FGF2: variants seen among roughly 807,000 people sequenced by gnomAD.
FGF2 encodes the protein basic fibroblast growth factor bFGF.
Under a neutral mutation model 15.9 loss-of-function variants are expected in FGF2, and 13 were observed. The ratio of observed to expected loss-of-function variants is 0.82; its 90% CI spans 0.53 to 1.30. The LOEUF is 1.30. FGF2 is among the 50% of genes most tolerant of loss of function. FGF2 has a pLI of 0.00. For synonymous variants in FGF2, 90 were observed against 78.4 expected (o/e 1.15, Z -0.78); for missense variants, 163 against 196.9 (o/e 0.83, Z 1.03).
At chr4:122,831,537 G>A (rs308409) in intron 1 of FGF2, among the ~76,000 whole-genome samples, 2 of 152,074 alleles carry the variant, frequency 1.3e-5, no homozygotes, top group East Asian at 1.9e-4. Context: ...CTTAATGAAC[G>A]TGATATTTAC....
At chr4:122,887,632 C>T (rs1727085803) in intron 2 of FGF2, among the ~76,000 whole-genome samples, 1 of 152,172 alleles carries the variant, frequency 6.6e-6, no homozygotes, top group Non-Finnish European at 1.5e-5. Context: ...TATTCAAATA[C>T]TCCCTACAAG....
chr4:122,869,053 A>T (rs1726669627), intron 1 of FGF2, among the ~76,000 whole-genome samples: 1 of 152,158 alleles, frequency 6.6e-6, no homozygotes, highest in Non-Finnish European at 1.5e-5. Flanking sequence ...ATTTTCTCCT[A>T]TTCTGTAGAT....
chr4:122,844,297 A>G (rs534148461), intron 1 of FGF2, among the ~76,000 whole-genome samples: 32 of 152,352 alleles, frequency 2.1e-4, no homozygotes, highest in South Asian at 1.7e-3. Context: ...GTAGCAAGTC[A>G]GTCACATCTT....
intron 1 of FGF2, among the ~76,000 whole-genome samples, chr4:122,830,862 T>G (rs308412): frequency 0.28 from 40,990 of 146,798 alleles, 8,598 homozygotes; most frequent in African/African-American, 0.59. Context: ...AGAAGTACTG[T>G]ATCTACCCTT....
chr4:122,860,749 C>G (rs762098861), intron 1 of FGF2, among the ~76,000 whole-genome samples: 2 of 152,158 alleles, frequency 1.3e-5, no homozygotes, highest in Non-Finnish European at 2.9e-5. Context: ...AGCCACTGCA[C>G]CCAGCCTTAC....
upstream of FGF2, chr4:122,826,762 G>T (rs780399886): frequency 2.3e-6 from 3 of 1,321,996 alleles, no homozygotes; most frequent in East Asian, 9.3e-5. Flanking sequence ...GAGGAGAACT[G>T]GGGGCGCGGG....
chr4:122,837,485 A>G (rs1188638304), intron 1 of FGF2, among the ~76,000 whole-genome samples: 2 of 152,174 alleles, frequency 1.3e-5, no homozygotes, highest in African/African-American at 4.8e-5. Flanking sequence ...ACTGCCTGCT[A>G]TATATCTTTT....
intron 1 of FGF2, among the ~76,000 whole-genome samples, chr4:122,861,755 AAC>A (rs1488995843): frequency 1.3e-5 from 2 of 151,908 alleles, no homozygotes; most frequent in Admixed American, 6.6e-5. Flanking sequence ...CCCCTTCCAC[AAC>A]ACACACATAC....
intron 2 of FGF2, among the ~76,000 whole-genome samples, chr4:122,883,774 T>A (rs904013191): frequency 3.9e-5 from 6 of 152,234 alleles, no homozygotes; most frequent in African/African-American, 1.4e-4. Flanking sequence ...TATATAATGC[T>A]ATATAGATCA....
At chr4:122,870,120 T>C (rs1726698572) in intron 1 of FGF2, among the ~76,000 whole-genome samples, 1 of 152,260 alleles carries the variant, frequency 6.6e-6, no homozygotes, top group African/African-American at 2.4e-5. Flanking sequence ...GTTCTGTTTA[T>C]GTGATGGATT....
intron 1 of FGF2, among the ~76,000 whole-genome samples, chr4:122,855,901 T>C (rs1254636953): frequency 1.3e-5 from 2 of 152,210 alleles, no homozygotes; most frequent in South Asian, 2.1e-4. Flanking sequence ...AAAGTGATAT[T>C]TGAGCTTCAT....
chr4:122,871,591 T>C (rs1265066318), intron 1 of FGF2, among the ~76,000 whole-genome samples: 1 of 151,758 alleles, frequency 6.6e-6, no homozygotes, highest in Non-Finnish European at 1.5e-5. Context: ...GCAGGAGCGA[T>C]CCTACTGGCA....
chr4:122,827,117 G>GGCGGCTCCCCGC lies in FGF2; in HGVS notation c.-49_-38dup, dbSNP rs1560732499. Reference sequence around the variant, plus strand: ...GAGGCCGGGGCCGGGGCCGGGGGACGGCGGCTCCCCGCGCGGCTCCAGCGG... The same window carrying GGCGGCTCCCCGC: ...GAGGCCGGGGCCGGGGCCGGGGGACGGCGGCTCCCCGCGCGGCTCCCCGCGCGGCTCCAGCGG... On this transcript the variant is annotated 5_prime_UTR_variant, in exon 1 of 3. Transcript: ENST00000644866. The surrounding 1 kb of genome is among the most constrained non-coding windows in gnomAD (Gnocchi z 4.2). 2 of 1,273,524 alleles carry GGCGGCTCCCCGC rather than the reference G, an allele frequency of 1.6e-6. No homozygotes were observed. The highest frequency in any genetic ancestry group is 3.1e-5 in the African/African-American group (2 of 63,620). The allele number at this position is 1,273,524 out of a possible 1,614,324, so 78.9% of individuals were successfully genotyped here.
In FGF2 at chr4:122,893,931, CACAG is replaced by C. The variant is rs1390925109; in HGVS notation, c.*1539_*1542del. ...CTTTGCTGGAAAGCTTCACAATTGT[CACAG>C]ACAAAGATTTTTGTTCCAATACTCG... On this transcript the variant is annotated 3_prime_UTR_variant, in exon 3 of 3. Transcript: ENST00000644866. 1.3e-5 allele frequency: 2 copies of C among 152,318 alleles called. No individual in the cohort carries two copies. Among genetic ancestry groups the C allele is most frequent in the East Asian group, 1.9e-4 (1 of 5,182 alleles). 9.4% of individuals were successfully genotyped at this position (152,318 alleles called of 1,614,324 possible).
At chr4:122,868,516 A>G (rs1246318230) in intron 1 of FGF2, among the ~76,000 whole-genome samples, 1 of 152,122 alleles carries the variant, frequency 6.6e-6, no homozygotes, top group African/African-American at 2.4e-5. Flanking sequence ...GATCCAGTCT[A>G]TCATTGATGG....
At chr4:122,884,642 T>G (rs1013427976) in intron 2 of FGF2, 2 of 152,222 alleles carry the variant, frequency 1.3e-5, no homozygotes, top group African/African-American at 4.8e-5. Flanking sequence ...ACTTTTGGAT[T>G]CCTATTGAGC....
Position 122,827,298 on chromosome 4 carries a change from C to T in FGF2, c.124C>T (p.Arg42Cys). 6.2e-7 allele frequency: 1 copy of T among 1,612,958 alleles called. No homozygotes were observed. Among genetic ancestry groups the T allele is most frequent in the Non-Finnish European group, 8.5e-7 (1 of 1,179,894 alleles). The change falls in exon 1 of 3, where the codon CGC becomes TGC. Residue 42 changes from arginine to cysteine, a missense_variant. Coordinates refer to ENST00000644866, the MANE Select transcript of FGF2 (RefSeq NM_001361665.2). The surrounding 1 kb of genome is among the most constrained non-coding windows in gnomAD (Gnocchi z 4.2). ...LYCKNGGFFL[R>C]IHPDGRVDGV... Reference sequence around the variant, plus strand: ...CTGCAAAAACGGGGGCTTCTTCCTGCGCATCCACCCCGACGGCCGAGTTGA... The same window carrying T: ...CTGCAAAAACGGGGGCTTCTTCCTGTGCATCCACCCCGACGGCCGAGTTGA...
At chr4:122,835,014 C>T (rs1359635932) in intron 1 of FGF2, among the ~76,000 whole-genome samples, 2 of 152,192 alleles carry the variant, frequency 1.3e-5, no homozygotes, top group African/African-American at 4.8e-5. Flanking sequence ...CCTGTGGCCC[C>T]ACCCAGGAAT....
At chr4:122,885,913 CTTTT>C (rs11310783) in intron 2 of FGF2, among the ~76,000 whole-genome samples, 6 of 84,528 alleles carry the variant, frequency 7.1e-5, no homozygotes, top group African/African-American at 2.5e-4. Context: ...TTTTTTTTTC[CTTTT>C]TTTTTTTTTT....
Sources: gnomAD v4.1 joint callset for allele counts (sites outside exome capture counted in the v4.1 genomes callset) on GRCh38, gnomAD v4.1.1 for gene constraint, Gnocchi (gnomAD v3.1) non-coding constraint, MANE v1.5 for transcripts, NCBI Gene and HGNC (gene_info 2026-07-23, HGNC 2026-07-21) for gene names.